FGF14: variants seen among roughly 807,000 people sequenced by gnomAD.
FGF14 encodes the protein fibroblast growth factor 14.
A neutral mutation model predicts 25.5 loss-of-function variants in FGF14; 5 were observed. That is an observed-to-expected ratio of 0.20 (90% CI 0.10 to 0.41). The LOEUF (loss-of-function observed/expected upper bound fraction) is 0.41, where lower values mean the gene tolerates loss of function less well. Among genes scored for constraint, FGF14 ranks in the 10% least tolerant of loss-of-function variants. The pLI is 1.00. For synonymous variants in FGF14, 138 were observed against 118.3 expected (o/e 1.17, Z -1.08); for missense variants, 222 against 320.1 (o/e 0.69, Z 2.34).
chr13:101,973,300 C>A (rs749458617), intron 1 of FGF14, among the ~76,000 whole-genome samples: 2 of 152,012 alleles, frequency 1.3e-5, no homozygotes, highest in African/African-American at 4.8e-5. Flanking sequence ...AAAATATATC[C>A]ATTCTTTCAA....
At chr13:101,999,198 ATCT>A in intron 1 of FGF14, among the ~76,000 whole-genome samples, 1 of 152,354 alleles carries the variant, frequency 6.6e-6, no homozygotes, top group East Asian at 1.9e-4. Flanking sequence ...GCATTTTTAA[ATCT>A]TCATCAAAGG....
intron 1 of FGF14, among the ~76,000 whole-genome samples, chr13:102,109,588 G>A (rs945372578): frequency 6.6e-6 from 1 of 151,878 alleles, no homozygotes; most frequent in Admixed American, 6.6e-5. Context: ...TTTTTAGCAG[G>A]AACTTTAAGA....
At chr13:102,040,068 T>A (rs61966514) in intron 1 of FGF14, among the ~76,000 whole-genome samples, 9,205 of 152,110 alleles carry the variant, frequency 0.061, 334 homozygotes, top group Middle Eastern at 0.082. Flanking sequence ...TACCTGTGAG[T>A]TGTTGTTTCA....
intron 1 of FGF14, among the ~76,000 whole-genome samples, chr13:102,110,951 G>A (rs987406583): frequency 6.6e-6 from 1 of 152,152 alleles, no homozygotes; most frequent in Admixed American, 6.5e-5. Context: ...TTAAGAAAAT[G>A]GTTAGAATCT....
At chr13:101,755,082 T>G (rs538466763) in intron 3 of FGF14, among the ~76,000 whole-genome samples, 51 of 152,340 alleles carry the variant, frequency 3.3e-4, no homozygotes, top group Non-Finnish European at 6.5e-4. Flanking sequence ...GAAACATTAC[T>G]ATATGTGATA....
chr13:102,126,610 A>G (rs2045960076), intron 1 of FGF14, among the ~76,000 whole-genome samples: 1 of 152,164 alleles, frequency 6.6e-6, no homozygotes, highest in Non-Finnish European at 1.5e-5. Flanking sequence ...TCAGTATGGT[A>G]ATTTCATATT....
chr13:102,375,068 C>A (rs1248471139), intron 1 of FGF14, among the ~76,000 whole-genome samples: 1 of 151,984 alleles, frequency 6.6e-6, no homozygotes, highest in Admixed American at 6.6e-5. Flanking sequence ...TGTAACACAA[C>A]TAGTTAAAGG....
At chr13:102,201,741 G>A (rs1370432382) in intron 1 of FGF14, among the ~76,000 whole-genome samples, 1 of 152,226 alleles carries the variant, frequency 6.6e-6, no homozygotes, top group African/African-American at 2.4e-5. Context: ...TCCTGAAGCT[G>A]AAGAGAATGC....
chr13:102,086,396 G>A (rs1033004994), intron 1 of FGF14, among the ~76,000 whole-genome samples: 5 of 152,144 alleles, frequency 3.3e-5, no homozygotes, highest in South Asian at 4.2e-4. Context: ...CGGGCGTGGT[G>A]GCGGGCGCAT....
intron 1 of FGF14, among the ~76,000 whole-genome samples, chr13:102,060,455 G>C (rs551744695): frequency 6.6e-6 from 1 of 152,178 alleles, no homozygotes; most frequent in Non-Finnish European, 1.5e-5. Context: ...GAACCCGGGG[G>C]GCAGAGCTTG....
At chr13:102,128,727 A>T (rs1248963882) in intron 1 of FGF14, among the ~76,000 whole-genome samples, 1 of 152,196 alleles carries the variant, frequency 6.6e-6, no homozygotes, top group Admixed American at 6.5e-5. Context: ...TTATGTTGGA[A>T]AAGGTTAATG....
intron 3 of FGF14, among the ~76,000 whole-genome samples, chr13:101,770,489 A>G (rs2038702901): frequency 6.6e-6 from 1 of 152,158 alleles, no homozygotes; most frequent in South Asian, 2.1e-4. Flanking sequence ...CTAAAAAAGA[A>G]TAGCCTGAAA....
intron 1 of FGF14, among the ~76,000 whole-genome samples, chr13:102,166,281 T>C (rs1487321164): frequency 2.0e-5 from 3 of 152,046 alleles, no homozygotes; most frequent in Non-Finnish European, 2.9e-5. Context: ...TTATTTTATA[T>C]TTAGTTTTAT....
intron 1 of FGF14, among the ~76,000 whole-genome samples, chr13:101,991,025 TTGGAGCACAA>T (rs2038872358): frequency 1.3e-5 from 2 of 152,100 alleles, no homozygotes; most frequent in Admixed American, 1.3e-4. Flanking sequence ...CTTTTTAACC[TTGGAGCACAA>T]TGGAGCACAA....
intron 1 of FGF14, among the ~76,000 whole-genome samples, chr13:101,937,571 G>A (rs1339731758): frequency 6.6e-6 from 1 of 151,796 alleles, no homozygotes; most frequent in African/African-American, 2.4e-5. Context: ...AGATCTATGA[G>A]AAAATTCATT....
At chr13:102,241,236 G>T (rs544285704) in intron 1 of FGF14, among the ~76,000 whole-genome samples, 48 of 152,124 alleles carry the variant, frequency 3.2e-4, no homozygotes, top group African/African-American at 1.1e-3. Flanking sequence ...AATTCCTGGT[G>T]ATTTTTTTCC....
chr13:102,344,728 A>G (rs1377018869), intron 1 of FGF14, among the ~76,000 whole-genome samples: 1 of 152,248 alleles, frequency 6.6e-6, no homozygotes, highest in African/African-American at 2.4e-5. Context: ...ATAGTCATGC[A>G]CATGAGGTTC....
chr13:101,963,171 T>C (rs761460869), intron 1 of FGF14, among the ~76,000 whole-genome samples: 1 of 152,230 alleles, frequency 6.6e-6, no homozygotes, highest in African/African-American at 2.4e-5. Context: ...GAATGAAATG[T>C]TGGTTTCTTT....
intron 1 of FGF14, among the ~76,000 whole-genome samples, chr13:102,311,108 C>T (rs1460798174): frequency 6.6e-6 from 1 of 152,146 alleles, no homozygotes; most frequent in Non-Finnish European, 1.5e-5. Flanking sequence ...CTCCGTTGCA[C>T]CCTCATTCAG....
Sources: allele counts gnomAD v4.1 joint callset (sites outside exome capture counted in the v4.1 genomes callset), GRCh38; gene constraint gnomAD v4.1.1; transcripts MANE v1.5; gene names NCBI Gene and HGNC (gene_info 2026-07-23, HGNC 2026-07-21).